MTUS2: variants seen among roughly 807,000 people sequenced by gnomAD.
The protein encoded by MTUS2 is microtubule associated scaffold protein 2.
In MTUS2, 40 loss-of-function variants were observed where a neutral mutation model predicts 114.1. The ratio of observed to expected loss-of-function variants is 0.35; its 90% CI spans 0.27 to 0.46. The LOEUF (loss-of-function observed/expected upper bound fraction) is 0.46. Among genes scored for constraint, MTUS2 ranks in the 20% least tolerant of loss-of-function variants. The pLI, the probability that MTUS2 is intolerant of heterozygous loss-of-function variation, is 1.00. For missense variants in MTUS2, 1,679 were observed against 1,705.4 expected (o/e 0.98, Z 0.27); for synonymous variants, 688 against 672.0 (o/e 1.02, Z -0.37).
chr13:29,285,051 G>T (rs919308301), intron 6 of MTUS2, among the ~76,000 whole-genome samples: 1 of 151,698 alleles, frequency 6.6e-6, no homozygotes, highest in African/African-American at 2.4e-5. Flanking sequence ...CTGTTGAAAG[G>T]ACCTATGGGG....
intron 2 of MTUS2, among the ~76,000 whole-genome samples, chr13:28,995,133 C>T (rs1885039029): frequency 6.6e-6 from 1 of 152,192 alleles, no homozygotes; most frequent in Non-Finnish European, 1.5e-5. Context: ...AGCCAGTCTT[C>T]CCAGCACCAT....
At chr13:28,911,845 G>GTTTTTTTTTTTTTTTTTTTTATTT (rs202187530) in intron 2 of MTUS2, among the ~76,000 whole-genome samples, 1 of 103,828 alleles carries the variant, frequency 9.6e-6, no homozygotes, top group African/African-American at 3.8e-5. Flanking sequence ...ACTTTTTAAT[G>GTTTTTTTTTTTTTTTTTTTTATTT]TTTTTTTTTT....
intron 3 of MTUS2, among the ~76,000 whole-genome samples, chr13:29,030,930 T>G (rs1886786243): frequency 6.6e-6 from 1 of 152,128 alleles, no homozygotes; most frequent in African/African-American, 2.4e-5. Context: ...CAGAAGTGGC[T>G]TCCAAGATCA....
intron 2 of MTUS2, among the ~76,000 whole-genome samples, chr13:28,950,226 T>C (rs990242975): frequency 1.3e-5 from 2 of 152,348 alleles, no homozygotes; most frequent in African/African-American, 4.8e-5. Flanking sequence ...CATATTCTTG[T>C]TGGCCATTTG....
rs565753281 is a variant in MTUS2 at position 29,297,962 on chromosome 13, G to A, written c.2806+16097G>A. Among the ~76,000 whole-genome samples, 17 of 152,278 alleles carry A rather than the reference G, an allele frequency of 1.1e-4. No individual in the cohort carries two copies. The South Asian group carries it at 3.5e-3, about 32-fold the overall frequency. ...CCTGAAACTTAGTTTTAGTCATGTA[G>A]TGGTTCTTCCTCTCAAAATTTTTAT... On this transcript the variant is annotated intron_variant, in intron 6 of 15. Coordinates refer to ENST00000612955, the MANE Select transcript of MTUS2 (RefSeq NM_001033602.4).
At chr13:29,084,786 C>A (rs1354987601) in intron 4 of MTUS2, among the ~76,000 whole-genome samples, 2 of 111,664 alleles carry the variant, frequency 1.8e-5, no homozygotes, top group East Asian at 2.1e-4. Flanking sequence ...GATCCACCCC[C>A]CCCCCTCACC....
chr13:28,949,946 A>G (rs956417434), intron 2 of MTUS2, among the ~76,000 whole-genome samples: 1 of 152,184 alleles, frequency 6.6e-6, no homozygotes, highest in African/African-American at 2.4e-5. Context: ...TTTGCTTTCA[A>G]TTCTTTTGAA....
chr13:29,129,839 C>G (rs1251559683), intron 5 of MTUS2, among the ~76,000 whole-genome samples: 1 of 152,032 alleles, frequency 6.6e-6, no homozygotes, highest in Non-Finnish European at 1.5e-5. Context: ...AATAGTCTCT[C>G]TTCAAAAAAG....
intron 5 of MTUS2, among the ~76,000 whole-genome samples, chr13:29,108,345 A>G (rs750259456): frequency 1.8e-4 from 27 of 152,228 alleles, no homozygotes; most frequent in Non-Finnish European, 3.5e-4. Flanking sequence ...ACCCAGAGAT[A>G]GGATTAGATT....
intron 5 of MTUS2, among the ~76,000 whole-genome samples, chr13:29,169,731 G>A (rs184976657): frequency 2.9e-3 from 444 of 152,188 alleles, no homozygotes; most frequent in Middle Eastern, 0.02. Context: ...TTTGATGAGC[G>A]CTTAAGGATT....
intron 8 of MTUS2, among the ~76,000 whole-genome samples, chr13:29,426,495 A>T (rs1876540180): frequency 6.6e-6 from 1 of 152,196 alleles, no homozygotes; most frequent in South Asian, 2.1e-4. Flanking sequence ...TTCATCTTCT[A>T]AGACTAAAAC....
At chr13:29,216,959 G>A (rs1216669630) in intron 5 of MTUS2, among the ~76,000 whole-genome samples, 4 of 152,130 alleles carry the variant, frequency 2.6e-5, no homozygotes, top group African/African-American at 9.7e-5. Flanking sequence ...GGTGTGAGGT[G>A]GCATCAGTAT....
chr13:29,143,456 TA>T (rs1360785936), intron 5 of MTUS2, among the ~76,000 whole-genome samples: 3 of 152,168 alleles, frequency 2.0e-5, no homozygotes, highest in African/African-American at 7.2e-5. Context: ...TTTTCTTATC[TA>T]AAAAATGGGG....
intron 5 of MTUS2, among the ~76,000 whole-genome samples, chr13:29,244,217 G>A (rs929884732): frequency 6.6e-6 from 1 of 152,170 alleles, no homozygotes; most frequent in Admixed American, 6.5e-5. Flanking sequence ...TGGCCCACCT[G>A]TAGTTGGGGA....
intron 5 of MTUS2, among the ~76,000 whole-genome samples, chr13:29,204,285 T>TCTTGC (rs1305986018): frequency 3.3e-5 from 5 of 152,198 alleles, no homozygotes; most frequent in Non-Finnish European, 7.3e-5. Context: ...TATTCGGCCA[T>TCTTGC]CTTGCCAGCC....
At chr13:29,273,954 T>C (rs890287853) in intron 5 of MTUS2, among the ~76,000 whole-genome samples, 3 of 152,246 alleles carry the variant, frequency 2.0e-5, no homozygotes, top group African/African-American at 7.2e-5. Flanking sequence ...GTTTTCACTT[T>C]TTGACTTGTG....
At chr13:29,092,929 T>C (rs1340139089) in intron 4 of MTUS2, among the ~76,000 whole-genome samples, 2 of 152,158 alleles carry the variant, frequency 1.3e-5, no homozygotes, top group Non-Finnish European at 2.9e-5. Context: ...ATTTTTATTA[T>C]CATTATGGAG....
At chr13:29,264,489 T>G (rs1250454230) in intron 5 of MTUS2, among the ~76,000 whole-genome samples, 2 of 152,252 alleles carry the variant, frequency 1.3e-5, no homozygotes, top group East Asian at 3.9e-4. Context: ...ACCCCACATT[T>G]CCCATTGGCT....
intron 6 of MTUS2, among the ~76,000 whole-genome samples, chr13:29,310,382 T>C (rs1899698346): frequency 6.6e-6 from 1 of 152,218 alleles, no homozygotes; most frequent in African/African-American, 2.4e-5. Flanking sequence ...ATAATTGATA[T>C]TCGTAATTAC....
Sources: gnomAD v4.1 joint callset for allele counts (sites outside exome capture counted in the v4.1 genomes callset) on GRCh38, gnomAD v4.1.1 for gene constraint, MANE v1.5 for transcripts, NCBI Gene and HGNC (gene_info 2026-07-23, HGNC 2026-07-21) for gene names.